The following DNAAF1 variants were observed in gnomAD, a reference collection of about 807,000 sequenced individuals.
The protein encoded by DNAAF1 is dynein assembly factor 1, axonemal.
DNAAF1 carries 65 observed loss-of-function variants against 71.1 expected under a neutral mutation model. The observed-to-expected ratio is 0.91, with a 90% CI of 0.75 to 1.12. The LOEUF (loss-of-function observed/expected upper bound fraction) is 1.12, where lower values mean the gene tolerates loss of function less well. Ranked by LOEUF, DNAAF1 falls within the 50% of genes most tolerant of loss-of-function variation. DNAAF1 has a pLI of 0.00. For synonymous variants in DNAAF1, 414 were observed against 354.6 expected (o/e 1.17, Z -1.88); for missense variants, 1,178 against 899.8 (o/e 1.31, Z -3.96).
At position 84,149,275 on chromosome 16, in the gene DNAAF1, GGATGGCAC is replaced by G. The variant is rs540474985; in HGVS notation, c.260+134_260+141del. 408 of 1,164,702 alleles carry G rather than the reference GGATGGCAC, an allele frequency of 3.5e-4. 9 individuals carry two copies. The East Asian group carries it at 6.7e-3, about 19-fold the overall frequency. The allele number at this position is 1,164,702 out of a possible 1,614,324, so 72.1% of individuals were successfully genotyped here. ...TGCCCAATGTCTGAGAATGGAGTGA[GGATGGCAC>G]TGCCTCTGCCGCACAGCTGAGCGCA... On this transcript the variant is annotated intron_variant, in intron 2 of 11. Transcript: ENST00000378553.
intron 8 of DNAAF1, among the ~76,000 whole-genome samples, chr16:84,171,807 A>G (rs977395571): frequency 2.6e-5 from 4 of 151,962 alleles, no homozygotes; most frequent in African/African-American, 9.7e-5. Flanking sequence ...TTTTTCCAGC[A>G]GACAGAAGCC....
chr16:84,173,160 C>A, intron 9 of DNAAF1: 6 of 985,892 alleles, frequency 6.1e-6, no homozygotes, highest in Non-Finnish European at 4.8e-6. Flanking sequence ...TTTCACATGG[C>A]CCAGTAGGAG....
At chr16:84,146,584 A>T (rs568275584) in intron 1 of DNAAF1, among the ~76,000 whole-genome samples, 192 of 152,178 alleles carry the variant, frequency 1.3e-3, no homozygotes, top group African/African-American at 4.5e-3. Flanking sequence ...GGGCGTGGTG[A>T]CGTGCTCCTG....
chr16:84,157,142 T>C (rs2087477815), intron 5 of DNAAF1, among the ~76,000 whole-genome samples: 2 of 152,208 alleles, frequency 1.3e-5, no homozygotes, highest in African/African-American at 2.4e-5. Flanking sequence ...TTTCTTTTTT[T>C]CAGTATCATT....
At chr16:84,163,844 T>A (rs976161885) in intron 6 of DNAAF1, among the ~76,000 whole-genome samples, 2 of 151,726 alleles carry the variant, frequency 1.3e-5, no homozygotes, top group African/African-American at 2.4e-5. Flanking sequence ...TGCTGATTTT[T>A]AAAAAATTAA....
At chr16:84,175,023 T>G (rs533109246) in intron 10 of DNAAF1, among the ~76,000 whole-genome samples, 1 of 151,994 alleles carries the variant, frequency 6.6e-6, no homozygotes, top group East Asian at 1.9e-4. Context: ...GCCCAGCTAA[T>G]TTTTGTATTT....
Position 84,174,649 on chromosome 16 carries a change from C to T in DNAAF1, c.1645-20C>T, listed in dbSNP as rs776671436. Reference sequence around the variant, plus strand: ...GTGCGTGTACCTCCCTGGTGATGTGCGGCTCACTTGCTCTTTCAGGACCTA... The same window carrying T: ...GTGCGTGTACCTCCCTGGTGATGTGTGGCTCACTTGCTCTTTCAGGACCTA... On this transcript the variant is annotated intron_variant, in intron 9 of 11. Coordinates refer to ENST00000378553, the MANE Select transcript of DNAAF1 (RefSeq NM_178452.6). 68 of 1,613,914 alleles carry T rather than the reference C, an allele frequency of 4.2e-5. No individual in the cohort carries two copies. The highest frequency in any genetic ancestry group is 5.5e-5 in the South Asian group (5 of 91,080).
intron 11 of DNAAF1, chr16:84,177,445 C>T: frequency 2.6e-6 from 1 of 382,920 alleles, no homozygotes; most frequent in South Asian, 2.1e-5. Flanking sequence ...TTTCCTGCCT[C>T]AGCCTCCCCA....
At chr16:84,166,874 C>A (rs1200719426) in intron 7 of DNAAF1, among the ~76,000 whole-genome samples, 1 of 152,172 alleles carries the variant, frequency 6.6e-6, no homozygotes. Flanking sequence ...AGGTTGTTTT[C>A]TTCTCCCACA....
chr16:84,176,130 C>G lies in DNAAF1; in HGVS notation c.1896C>G (p.Asp632Glu). ...TDIFKKEAKR[D>E]LEIRKQDTKS... Reference sequence around the variant, plus strand: ...TCTTTAAAAAAGAAGCTAAGAGGGACTTGGAAATCCGAAAACAAGACACCA... The same window carrying G: ...TCTTTAAAAAAGAAGCTAAGAGGGAGTTGGAAATCCGAAAACAAGACACCA... Residue 632 changes from aspartate to glutamate, a missense_variant, in exon 11 of 12, where the codon GAC becomes GAG. By Grantham distance (45) the Asp-to-Glu change is conservative. Transcript: ENST00000378553. 1 of 1,614,016 alleles carries G rather than the reference C, an allele frequency of 6.2e-7. No individual in the cohort carries two copies. Among genetic ancestry groups the G allele is most frequent in the Middle Eastern group, 1.6e-4 (1 of 6,062 alleles).
intron 6 of DNAAF1, among the ~76,000 whole-genome samples, chr16:84,165,568 T>C (rs2087930332): frequency 1.3e-5 from 2 of 152,146 alleles, no homozygotes; most frequent in African/African-American, 4.8e-5. Context: ...TTCTCTATTT[T>C]TTCTCTTGTC....
chr16:84,156,808 TCTTTTC>T (rs1320482106), intron 5 of DNAAF1, among the ~76,000 whole-genome samples: 4 of 118,498 alleles, frequency 3.4e-5, no homozygotes, highest in Non-Finnish European at 5.5e-5. Flanking sequence ...TTATCATTTT[TCTTTTC>T]TTTTCTTTTC....
chr16:84,154,541 T>A (rs1445181364), intron 3 of DNAAF1, 36 bp from the exon 4 acceptor site: 1 of 1,594,384 alleles, frequency 6.3e-7, no homozygotes, highest in East Asian at 2.2e-5. Context: ...GCCCTGGGAG[T>A]AGGAGCTTAA....
rs551352418 is a variant in DNAAF1 at position 84,163,646 on chromosome 16, T to C, written c.864-2137T>C. On this transcript the variant is annotated intron_variant, in intron 6 of 11. Transcript: ENST00000378553. ...CACCCACCTCGGCCTCCCAAAGTGCTAGGATTACAGGTGTGAGCCACCGCA... is the reference window on the plus strand; with the variant it reads ...CACCCACCTCGGCCTCCCAAAGTGCCAGGATTACAGGTGTGAGCCACCGCA... Among the ~76,000 whole-genome samples, 109 of 152,254 alleles carry C rather than the reference T, an allele frequency of 7.2e-4. 1 individual carries two copies. Among genetic ancestry groups the C allele is most frequent in the African/African-American group, 2.5e-3 (104 of 41,552 alleles).
At chr16:84,165,479 C>A (rs1015060600) in intron 6 of DNAAF1, among the ~76,000 whole-genome samples, 9 of 151,952 alleles carry the variant, frequency 5.9e-5, no homozygotes, top group African/African-American at 2.2e-4. Flanking sequence ...GCCACTGTGC[C>A]CTGCTGGTTT....
chr16:84,168,621 C>T (rs16962894), intron 7 of DNAAF1, among the ~76,000 whole-genome samples: 9,963 of 152,116 alleles, frequency 0.065, 449 homozygotes, highest in South Asian at 0.2. Context: ...ATGTTGCTTC[C>T]TGTCTAGTCT....
chr16:84,176,599 G>A, intron 11 of DNAAF1: 2 of 489,526 alleles, frequency 4.1e-6, no homozygotes, highest in South Asian at 2.0e-5. Flanking sequence ...CCTGGGGCGG[G>A]GGCCTAATGA....
chr16:84,176,493 C>T, intron 11 of DNAAF1, 194 bp downstream of exon 11: 3 of 848,898 alleles, frequency 3.5e-6, no homozygotes, highest in Non-Finnish European at 5.5e-6. Flanking sequence ...TGCTGGTAGC[C>T]AGCCTGGGCC....
intron 1 of DNAAF1, 33 bp downstream of exon 1, chr16:84,145,597 G>A (rs2086861389): frequency 3.2e-6 from 5 of 1,540,986 alleles, no homozygotes; most frequent in East Asian, 2.5e-5. Flanking sequence ...GGCGGTGGGC[G>A]AGGGGCAGAC....
Sources: allele counts gnomAD v4.1 joint callset (sites outside exome capture counted in the v4.1 genomes callset), GRCh38; gene constraint gnomAD v4.1.1; transcripts MANE v1.5; gene names NCBI Gene and HGNC (gene_info 2026-07-23, HGNC 2026-07-21).